Variants in CLSTN2 observed in about 807,000 individuals in gnomAD.
CLSTN2 encodes the protein calsyntenin-2.
Under a neutral mutation model 101.2 loss-of-function variants are expected in CLSTN2, and 48 were observed. The observed-to-expected ratio is 0.47, with a 90% CI of 0.38 to 0.60. CLSTN2 has a LOEUF of 0.60. Among genes scored for constraint, CLSTN2 ranks in the 20% least tolerant of loss-of-function variants. CLSTN2 has a pLI of 0.00. For synonymous variants in CLSTN2, 481 were observed against 463.6 expected (o/e 1.04, Z -0.48); for missense variants, 1,160 against 1,238.2 (o/e 0.94, Z 0.95).
chr3:140,416,969 T>C (rs539168666), intron 4 of CLSTN2, among the ~76,000 whole-genome samples: 2 of 152,342 alleles, frequency 1.3e-5, no homozygotes, highest in South Asian at 4.1e-4. Context: ...AAATGCTTAT[T>C]TCCCATATGA....
chr3:140,130,369 T>C (rs2009504097), intron 1 of CLSTN2, among the ~76,000 whole-genome samples: 1 of 152,154 alleles, frequency 6.6e-6, no homozygotes, highest in African/African-American at 2.4e-5. Flanking sequence ...CTTAAGAACA[T>C]GTTATGGGAA....
intron 1 of CLSTN2, among the ~76,000 whole-genome samples, chr3:140,160,416 G>T (rs573311623): frequency 5.9e-5 from 9 of 152,082 alleles, no homozygotes; most frequent in African/African-American, 2.2e-4. Flanking sequence ...GTAAATTTAT[G>T]TGCTTTTTGC....
intron 2 of CLSTN2, among the ~76,000 whole-genome samples, chr3:140,345,274 G>A (rs2087535166): frequency 1.4e-5 from 2 of 143,614 alleles, no homozygotes; most frequent in African/African-American, 5.2e-5. Context: ...TTGAGACAGA[G>A]TTTCACTCTT....
intron 1 of CLSTN2, among the ~76,000 whole-genome samples, chr3:140,100,516 A>G (rs748111733): frequency 6.6e-6 from 1 of 152,256 alleles, no homozygotes; most frequent in Non-Finnish European, 1.5e-5. Context: ...AGGACTGAAC[A>G]CTGTGGGATT....
chr3:140,086,761 T>C (rs112333983), intron 1 of CLSTN2, among the ~76,000 whole-genome samples: 8 of 152,338 alleles, frequency 5.3e-5, no homozygotes, highest in African/African-American at 1.9e-4. Flanking sequence ...CTCTCAATCC[T>C]TGAAAATTAG....
At chr3:140,473,400 T>C (rs938608626) in intron 8 of CLSTN2, among the ~76,000 whole-genome samples, 2 of 152,160 alleles carry the variant, frequency 1.3e-5, no homozygotes, top group African/African-American at 4.8e-5. Flanking sequence ...GGCAAGACGG[T>C]GTTCGCATAT....
chr3:139,977,279 A>G (rs1935833468), intron 1 of CLSTN2, among the ~76,000 whole-genome samples: 1 of 152,092 alleles, frequency 6.6e-6, no homozygotes, highest in Non-Finnish European at 1.5e-5. Context: ...CAGGGATGGA[A>G]CAAGGGATAA....
chr3:140,044,926 G>T (rs1170735167), intron 1 of CLSTN2, among the ~76,000 whole-genome samples: 1 of 152,162 alleles, frequency 6.6e-6, no homozygotes, highest in African/African-American at 2.4e-5. Flanking sequence ...GCTGGATTCG[G>T]TTTGCCAATA....
intron 8 of CLSTN2, among the ~76,000 whole-genome samples, chr3:140,471,384 G>A (rs1173968646): frequency 6.6e-6 from 1 of 152,322 alleles, no homozygotes; most frequent in African/African-American, 2.4e-5. Flanking sequence ...GGAAGACACA[G>A]CTTGAGTGAC....
chr3:140,313,070 C>A (rs1483233863), intron 2 of CLSTN2, among the ~76,000 whole-genome samples: 1 of 152,098 alleles, frequency 6.6e-6, no homozygotes, highest in Non-Finnish European at 1.5e-5. Flanking sequence ...AGTAATGTGC[C>A]ATTCATGGTT....
At chr3:140,510,580 G>C (rs908517757) in intron 8 of CLSTN2, among the ~76,000 whole-genome samples, 3 of 152,148 alleles carry the variant, frequency 2.0e-5, no homozygotes, top group Non-Finnish European at 4.4e-5. Context: ...TCAAACGAGG[G>C]TGGTCTCTTT....
At chr3:140,083,885 T>G (rs887989345) in intron 1 of CLSTN2, among the ~76,000 whole-genome samples, 2 of 152,128 alleles carry the variant, frequency 1.3e-5, no homozygotes, top group Non-Finnish European at 2.9e-5. Flanking sequence ...TTCAAGTGTT[T>G]TTTCATTTCT....
At chr3:139,982,171 C>A (rs929239207) in intron 1 of CLSTN2, among the ~76,000 whole-genome samples, 3 of 151,980 alleles carry the variant, frequency 2.0e-5, no homozygotes, top group Non-Finnish European at 4.4e-5. Flanking sequence ...CAACTAATTT[C>A]TTGTCTCTGT....
intron 2 of CLSTN2, among the ~76,000 whole-genome samples, chr3:140,233,217 G>A (rs1011510982): frequency 2.0e-5 from 3 of 152,076 alleles, no homozygotes; most frequent in Non-Finnish European, 4.4e-5. Flanking sequence ...ATAACTGCCT[G>A]TGTTTCCTCC....
chr3:140,082,113 G>A (rs546716027), intron 1 of CLSTN2, among the ~76,000 whole-genome samples: 28 of 152,342 alleles, frequency 1.8e-4, no homozygotes, highest in African/African-American at 6.7e-4. Flanking sequence ...CTCACAGCGG[G>A]TGGATGCCCA....
chr3:140,179,646 A>AAC (rs2010378532), intron 2 of CLSTN2, among the ~76,000 whole-genome samples: 1 of 149,584 alleles, frequency 6.7e-6, no homozygotes, highest in Admixed American at 6.7e-5. Context: ...AAAAAAAAAA[A>AAC]AAAAAACCTT....
intron 2 of CLSTN2, among the ~76,000 whole-genome samples, chr3:140,264,650 T>C (rs2086680958): frequency 6.6e-6 from 1 of 151,974 alleles, no homozygotes; most frequent in Non-Finnish European, 1.5e-5. Flanking sequence ...TTGATAATGA[T>C]TTCCTTTGAG....
intron 5 of CLSTN2, among the ~76,000 whole-genome samples, chr3:140,438,492 T>C (rs887846098): frequency 3.5e-5 from 4 of 115,758 alleles, no homozygotes; most frequent in African/African-American, 1.4e-4. Flanking sequence ...TAAAAAGAGA[T>C]TTATATAACT....
intron 2 of CLSTN2, among the ~76,000 whole-genome samples, chr3:140,245,539 C>A (rs752018421): frequency 5.9e-5 from 9 of 152,112 alleles, no homozygotes; most frequent in Non-Finnish European, 1.0e-4. Context: ...ATGACTAAAA[C>A]AAATTGTGGA....
Sources: gnomAD v4.1 joint callset for allele counts (sites outside exome capture counted in the v4.1 genomes callset) on GRCh38, gnomAD v4.1.1 for gene constraint, MANE v1.5 for transcripts, NCBI Gene and HGNC (gene_info 2026-07-23, HGNC 2026-07-21) for gene names.